Variants in CTNNA3 observed in about 807,000 individuals in gnomAD.
CTNNA3 encodes catenin alpha 3.
Under a neutral mutation model 95.7 loss-of-function variants are expected in CTNNA3, and 76 were observed. That is an observed-to-expected ratio of 0.79 (90% CI 0.66 to 0.96). The LOEUF is 0.96. Among genes scored for constraint, CTNNA3 ranks in the 40% least tolerant of loss-of-function variants. The probability of loss-of-function intolerance (pLI) is 0.00; values close to 1 mark genes in which losing one functional copy is unlikely to be tolerated. For missense variants in CTNNA3, 1,191 were observed against 1,089.8 expected, an observed-to-expected ratio of 1.09 and a Z score of -1.31; for synonymous variants, 431 against 374.4, an observed-to-expected ratio of 1.15 and a Z score of -1.74.
chr10:65,977,445 A>G (rs1452030010), intron 16 of CTNNA3, among the ~76,000 whole-genome samples: 3 of 152,122 alleles, frequency 2.0e-5, no homozygotes, highest in Non-Finnish European at 2.9e-5. Context: ...TAATCTTAGT[A>G]TTTTTTTGCT....
At chr10:66,216,235 AT>A (rs1247437370) in intron 13 of CTNNA3, among the ~76,000 whole-genome samples, 1 of 152,158 alleles carries the variant, frequency 6.6e-6, no homozygotes, top group East Asian at 1.9e-4. Flanking sequence ...CTTCAATCCG[AT>A]CTTTGTATGT....
chr10:67,726,983 C>A (rs1346531444), intron 1 of CTNNA3, among the ~76,000 whole-genome samples: 1 of 104,016 alleles, frequency 9.6e-6, no homozygotes, highest in African/African-American at 4.1e-5. Flanking sequence ...ATATACGATA[C>A]ATATATAATT....
At chr10:66,879,984 G>A (rs1589370897) in intron 7 of CTNNA3, among the ~76,000 whole-genome samples, 1 of 152,214 alleles carries the variant, frequency 6.6e-6, no homozygotes, top group East Asian at 1.9e-4. Flanking sequence ...GGTTGAAGAT[G>A]TTGCAGCAAA....
chr10:66,485,331 G>GT, intron 11 of CTNNA3, among the ~76,000 whole-genome samples: 1 of 152,128 alleles, frequency 6.6e-6, no homozygotes, highest in South Asian at 2.1e-4. Context: ...TTTATATATG[G>GT]TAAGACCTAA....
At chr10:66,599,015 C>CA (rs1232284519) in intron 10 of CTNNA3, among the ~76,000 whole-genome samples, 2 of 148,410 alleles carry the variant, frequency 1.3e-5, no homozygotes, top group Non-Finnish European at 3.0e-5. Context: ...GTATAGTAAT[C>CA]AAAACAATAT....
intron 10 of CTNNA3, among the ~76,000 whole-genome samples, chr10:66,561,939 G>A (rs1008572045): frequency 6.6e-6 from 1 of 151,938 alleles, no homozygotes; most frequent in African/African-American, 2.4e-5. Context: ...GTTTGTGAGG[G>A]GGAGATCAAA....
intron 11 of CTNNA3, among the ~76,000 whole-genome samples, chr10:66,483,908 AG>A (rs1839632702): frequency 6.6e-6 from 1 of 152,172 alleles, no homozygotes; most frequent in Non-Finnish European, 1.5e-5. Context: ...TATCTGAAAA[AG>A]TCACTATGAT....
At chr10:67,165,805 G>A (rs1373611864) in intron 7 of CTNNA3, among the ~76,000 whole-genome samples, 1 of 152,130 alleles carries the variant, frequency 6.6e-6, no homozygotes, top group Non-Finnish European at 1.5e-5. Flanking sequence ...TTTTACAAGT[G>A]TTAGGTTTAA....
chr10:66,958,102 C>G (rs992144805), intron 7 of CTNNA3, among the ~76,000 whole-genome samples: 4 of 152,042 alleles, frequency 2.6e-5, no homozygotes, highest in African/African-American at 9.7e-5. Flanking sequence ...TCAGTACCAG[C>G]TTCCAGAACA....
At chr10:66,382,219 C>T (rs1269475948) in intron 11 of CTNNA3, among the ~76,000 whole-genome samples, 1 of 152,158 alleles carries the variant, frequency 6.6e-6, no homozygotes, top group Non-Finnish European at 1.5e-5. Flanking sequence ...ACAGGGCACT[C>T]CCTGCCCAAA....
intron 11 of CTNNA3, among the ~76,000 whole-genome samples, chr10:66,460,780 A>T (rs2093524147): frequency 6.6e-6 from 1 of 152,150 alleles, no homozygotes; most frequent in Non-Finnish European, 1.5e-5. Flanking sequence ...CTATTCTGAA[A>T]TCAAATTATG....
chr10:67,476,002 G>A (rs1847994981), intron 5 of CTNNA3, among the ~76,000 whole-genome samples: 1 of 152,122 alleles, frequency 6.6e-6, no homozygotes, highest in African/African-American at 2.4e-5. Flanking sequence ...AAGAGGGCCG[G>A]GGCCAGGATG....
At chr10:67,473,428 A>G (rs2133034293) in intron 5 of CTNNA3, among the ~76,000 whole-genome samples, 1 of 152,322 alleles carries the variant, frequency 6.6e-6, no homozygotes, top group Middle Eastern at 3.4e-3. Flanking sequence ...ATTTGTACTA[A>G]ATATTAGCGA....
chr10:66,697,057 T>C (rs984225609), intron 9 of CTNNA3, among the ~76,000 whole-genome samples: 1 of 152,214 alleles, frequency 6.6e-6, no homozygotes, highest in Admixed American at 6.5e-5. Context: ...CTAGGTGGAA[T>C]TGTTAGGAAG....
intron 5 of CTNNA3, among the ~76,000 whole-genome samples, chr10:67,380,020 C>CAAAAAA (rs10591803): frequency 1.1e-4 from 8 of 74,078 alleles, no homozygotes; most frequent in Non-Finnish European, 1.5e-4. Context: ...GACTCCGTCT[C>CAAAAAA]AAAAAAAAAA....
chr10:66,775,928 G>C (rs145204964), intron 7 of CTNNA3, among the ~76,000 whole-genome samples: 52 of 152,292 alleles, frequency 3.4e-4, no homozygotes, highest in African/African-American at 1.2e-3. Flanking sequence ...TATTGTGTAA[G>C]TTATGCAGAG....
At chr10:67,659,337 AT>A (rs1840113933) in intron 1 of CTNNA3, among the ~76,000 whole-genome samples, 1 of 152,170 alleles carries the variant, frequency 6.6e-6, no homozygotes, top group Admixed American at 6.5e-5. Context: ...ACAACATACC[AT>A]TTAGTTATTT....
At chr10:67,223,963 C>A (rs767468415) in intron 5 of CTNNA3, among the ~76,000 whole-genome samples, 5 of 152,100 alleles carry the variant, frequency 3.3e-5, no homozygotes, top group Non-Finnish European at 5.9e-5. Context: ...GTACAATTAA[C>A]AAATAAAAAT....
chr10:66,324,330 C>A (rs2092227309), intron 12 of CTNNA3, among the ~76,000 whole-genome samples: 1 of 152,084 alleles, frequency 6.6e-6, no homozygotes, highest in South Asian at 2.1e-4. Flanking sequence ...AAAAAACAAA[C>A]AAACAAACAA....
Sources: gnomAD v4.1 joint callset for allele counts (sites outside exome capture counted in the v4.1 genomes callset) on GRCh38, gnomAD v4.1.1 for gene constraint, MANE v1.5 for transcripts, NCBI Gene and HGNC (gene_info 2026-07-23, HGNC 2026-07-21) for gene names.